Variants in CRPPA observed in about 807,000 individuals in gnomAD.
The protein encoded by CRPPA is CDP-L-ribitol pyrophosphorylase A.
CRPPA carries 43 observed loss-of-function variants against 52.0 expected under a neutral mutation model. The observed-to-expected ratio is 0.83, with a 90% CI of 0.65 to 1.07. The LOEUF (loss-of-function observed/expected upper bound fraction) is 1.07, where lower values mean the gene tolerates loss of function less well. Among genes scored for constraint, CRPPA ranks in the 50% least tolerant of loss-of-function variants. The pLI is 0.00. For missense variants in CRPPA, 629 were observed against 551.7 expected (o/e 1.14, Z -1.40); for synonymous variants, 250 against 203.5 (o/e 1.23, Z -1.94).
At chr7:16,263,941 A>G (rs557989278) in intron 6 of CRPPA, among the ~76,000 whole-genome samples, 3 of 152,282 alleles carry the variant, frequency 2.0e-5, no homozygotes, top group African/African-American at 7.2e-5. Flanking sequence ...TATTTACATA[A>G]AAGTTATCAA....
intron 9 of CRPPA, among the ~76,000 whole-genome samples, chr7:16,179,538 G>C (rs1484890613): frequency 6.6e-6 from 1 of 152,070 alleles, no homozygotes; most frequent in African/African-American, 2.4e-5. Flanking sequence ...CTGAAGTCTT[G>C]TGCTTTGCAG....
intron 8 of CRPPA, among the ~76,000 whole-genome samples, chr7:16,234,988 C>T (rs1332450882): frequency 2.0e-5 from 3 of 151,978 alleles, no homozygotes; most frequent in Non-Finnish European, 2.9e-5. Context: ...AGAGGGCAAA[C>T]TACTCAATAA....
At chr7:16,211,125 G>A (rs531738980) in intron 9 of CRPPA, among the ~76,000 whole-genome samples, 1 of 152,292 alleles carries the variant, frequency 6.6e-6, no homozygotes, top group African/African-American at 2.4e-5. Context: ...AAAAAAATCT[G>A]TAGCAGAAGG....
chr7:16,203,550 T>G (rs1781905226), intron 9 of CRPPA, among the ~76,000 whole-genome samples: 1 of 152,168 alleles, frequency 6.6e-6, no homozygotes, highest in African/African-American at 2.4e-5. Flanking sequence ...TATTTTATAG[T>G]ACATGCTTGA....
chr7:16,347,245 G>A (rs1786037477), intron 3 of CRPPA, among the ~76,000 whole-genome samples: 1 of 152,060 alleles, frequency 6.6e-6, no homozygotes, highest in Non-Finnish European at 1.5e-5. Flanking sequence ...AGCCCAACCA[G>A]TCTAGTTTCA....
intron 2 of CRPPA, among the ~76,000 whole-genome samples, chr7:16,405,176 G>A (rs1314311258): frequency 3.3e-5 from 5 of 151,608 alleles, no homozygotes. Context: ...AATCTTAGAG[G>A]AAACTATTAC....
chr7:16,223,538 C>T (rs1027355347), intron 8 of CRPPA, among the ~76,000 whole-genome samples: 1 of 152,088 alleles, frequency 6.6e-6, no homozygotes, highest in Non-Finnish European at 1.5e-5. Flanking sequence ...GACATGAAAA[C>T]AGAAGACAAT....
chr7:16,288,881 A>T (rs1318334920), intron 5 of CRPPA, among the ~76,000 whole-genome samples: 2 of 150,654 alleles, frequency 1.3e-5, no homozygotes, highest in African/African-American at 2.4e-5. Flanking sequence ...CCCCAAAAAC[A>T]AAAAACAAAA....
intron 9 of CRPPA, among the ~76,000 whole-genome samples, chr7:16,144,898 G>C (rs952530605): frequency 6.6e-6 from 1 of 152,104 alleles, no homozygotes; most frequent in African/African-American, 2.4e-5. Context: ...CTGTTGCTCG[G>C]CCAGACTCTG....
At chr7:16,228,518 AG>A (rs1562571055) in intron 8 of CRPPA, among the ~76,000 whole-genome samples, 1 of 151,904 alleles carries the variant, frequency 6.6e-6, no homozygotes, top group East Asian at 1.9e-4. Context: ...GTTAGTCTCA[AG>A]GAATTTTTTA....
At chr7:16,218,863 G>A (rs1186415437) in intron 8 of CRPPA, among the ~76,000 whole-genome samples, 4 of 150,318 alleles carry the variant, frequency 2.7e-5, no homozygotes, top group Non-Finnish European at 5.9e-5. Flanking sequence ...ACACCCCACT[G>A]TCAACATTAG....
chr7:16,403,853 AGCT>A (rs60142803), intron 2 of CRPPA, among the ~76,000 whole-genome samples: 72,237 of 151,716 alleles, frequency 0.48, 18,139 homozygotes, highest in African/African-American at 0.64. Context: ...TCTAGCCTTG[AGCT>A]GCTCTTTTAC....
At chr7:16,296,467 C>T (rs1316991315) in intron 5 of CRPPA, among the ~76,000 whole-genome samples, 2 of 151,946 alleles carry the variant, frequency 1.3e-5, no homozygotes, top group Non-Finnish European at 2.9e-5. Flanking sequence ...GATATTTATC[C>T]TAGAAATGTT....
intron 5 of CRPPA, among the ~76,000 whole-genome samples, chr7:16,286,042 T>A (rs28695251): frequency 0.12 from 807 of 6,636 alleles, 117 homozygotes; most frequent in African/African-American, 0.39. Flanking sequence ...AAAAAAAATA[T>A]AAATATATAT....
chr7:16,293,627 G>A (rs1033931543), intron 5 of CRPPA, among the ~76,000 whole-genome samples: 1 of 151,792 alleles, frequency 6.6e-6, no homozygotes, highest in African/African-American at 2.4e-5. Context: ...ATAAATGGAC[G>A]GAGACAACAA....
intron 3 of CRPPA, among the ~76,000 whole-genome samples, chr7:16,363,694 C>T (rs1786516698): frequency 6.6e-6 from 1 of 152,088 alleles, no homozygotes. Flanking sequence ...TCTAGAAAAA[C>T]ATACCCCATT....
rs373045386 is a variant in CRPPA at position 16,331,685 on chromosome 7, A to G, written c.685-23058T>C. The stretch of plus-strand genomic sequence containing the variant: ...AAGGAATCAAAAAGAAATGCTAGAG[A>G]TCAAAAACACTAATAGAAATGAAGA... On this transcript the variant is annotated intron_variant, in intron 3 of 9. Coordinates refer to ENST00000407010, the MANE Select transcript of CRPPA (RefSeq NM_001101426.4). 6.0e-4 allele frequency among the ~76,000 whole-genome samples: 92 copies of G among 152,298 alleles called. 1 individual carries two copies. Among genetic ancestry groups the G allele is most frequent in the African/African-American group, 2.2e-3 (91 of 41,566 alleles).
intron 5 of CRPPA, among the ~76,000 whole-genome samples, chr7:16,295,732 A>G (rs1402126953): frequency 1.3e-5 from 2 of 152,070 alleles, no homozygotes; most frequent in Non-Finnish European, 2.9e-5. Context: ...ATGCAAATCT[A>G]TATAAAGTAT....
intron 1 of CRPPA, 96 bp downstream of exon 1, chr7:16,420,970 C>G: frequency 9.2e-7 from 1 of 1,090,032 alleles, no homozygotes; most frequent in Non-Finnish European, 1.2e-6. Flanking sequence ...GCCCGGCAGT[C>G]CCCCAAGTGA....
Sources: gnomAD v4.1 joint callset for allele counts (sites outside exome capture counted in the v4.1 genomes callset) on GRCh38, gnomAD v4.1.1 for gene constraint, MANE v1.5 for transcripts, NCBI Gene and HGNC (gene_info 2026-07-23, HGNC 2026-07-21) for gene names.